Variants in ALMS1 observed in about 807,000 individuals in gnomAD.
ALMS1 encodes the protein ALMS1 centrosome and basal body associated protein.
A neutral mutation model predicts 352.2 loss-of-function variants in ALMS1; 271 were observed. That is an observed-to-expected ratio of 0.77 (90% CI 0.70 to 0.85). ALMS1 has a LOEUF of 0.85. ALMS1 is among the 40% of genes least tolerant of loss of function. ALMS1 has a pLI of 0.00. For synonymous variants in ALMS1, 1,865 were observed against 1,761.2 expected (o/e 1.06, Z -1.48); for missense variants, 5,445 against 4,870.7 (o/e 1.12, Z -3.51).
Position 73,550,472 on chromosome 2 carries a change from T to G in ALMS1, c.10078+35T>G, listed in dbSNP as rs1573013303. The G allele has an allele frequency of 6.2e-6, 10 of 1,610,208 alleles. No homozygotes were observed. In the East Asian group the frequency reaches 2.2e-4, roughly 36 times the overall value. ...TTGGCTTTGTATACTTTGTAGCTTT[T>G]TCTCCCCTTTTCATCCTAAATGAGA... On this transcript the variant is annotated intron_variant, in intron 13 of 22. Transcript: ENST00000613296.
intron 16 of ALMS1, among the ~76,000 whole-genome samples, chr2:73,587,406 T>A (rs1286744426): frequency 2.0e-5 from 3 of 152,220 alleles, no homozygotes; most frequent in Non-Finnish European, 4.4e-5. Context: ...ATAATTTTGG[T>A]GTGGGTTTGC....
At chr2:73,475,183 T>C (rs909330004) in intron 9 of ALMS1, among the ~76,000 whole-genome samples, 1 of 152,150 alleles carries the variant, frequency 6.6e-6, no homozygotes, top group Non-Finnish European at 1.5e-5. Context: ...TTGTGAATAG[T>C]GCTGCTATGA....
At chr2:73,527,216 T>C (rs1474708914) in intron 11 of ALMS1, among the ~76,000 whole-genome samples, 1 of 151,894 alleles carries the variant, frequency 6.6e-6, no homozygotes, top group African/African-American at 2.4e-5. Context: ...TGAGGGAGAT[T>C]GGCCTGTAGT....
At chr2:73,409,849 T>G (rs1360437182) in intron 2 of ALMS1, among the ~76,000 whole-genome samples, 3 of 152,206 alleles carry the variant, frequency 2.0e-5, no homozygotes, top group Admixed American at 1.3e-4. Context: ...CCAGGAGGGC[T>G]GATGGTATAG....
At chr2:73,577,905 A>G (rs1231921029) in intron 16 of ALMS1, among the ~76,000 whole-genome samples, 2 of 152,112 alleles carry the variant, frequency 1.3e-5, no homozygotes, top group Non-Finnish European at 2.9e-5. Context: ...CTGGTTTATA[A>G]TGTTGTTCAA....
chr2:73,538,660 C>T (rs900243742), intron 12 of ALMS1, among the ~76,000 whole-genome samples: 3 of 152,148 alleles, frequency 2.0e-5, no homozygotes, highest in East Asian at 1.9e-4. Flanking sequence ...ACAGAAGGCA[C>T]CTGGAAAATC....
intron 10 of ALMS1, among the ~76,000 whole-genome samples, chr2:73,502,229 C>T (rs1168015441): frequency 6.6e-6 from 1 of 152,018 alleles, no homozygotes; most frequent in Non-Finnish European, 1.5e-5. Context: ...CAGTGGTTGA[C>T]ATATATCTAT....
intron 10 of ALMS1, among the ~76,000 whole-genome samples, chr2:73,515,831 A>G (rs1313174808): frequency 6.6e-6 from 1 of 151,554 alleles, no homozygotes. Flanking sequence ...ATGAACACCT[A>G]TTCACACACA....
rs140045312 is a variant in ALMS1, at chr2:73,520,300, C to T, written c.9781+284C>T. Reference sequence around the variant, plus strand: ...CAATAAAAATGCAAGTAGTTCATAACAACTTGAAAGTAATTGAGGTCTGCT... The same window carrying T: ...CAATAAAAATGCAAGTAGTTCATAATAACTTGAAAGTAATTGAGGTCTGCT... On this transcript the variant is annotated intron_variant, in intron 11 of 22. Transcript: ENST00000613296. 3.9e-5 allele frequency among the ~76,000 whole-genome samples: 6 copies of T among 152,252 alleles called. No individual in the cohort carries two copies. The East Asian group carries it at 1.2e-3, about 29-fold the overall frequency.
At chr2:73,474,097 A>G (rs1672528122) in intron 9 of ALMS1, among the ~76,000 whole-genome samples, 1 of 152,134 alleles carries the variant, frequency 6.6e-6, no homozygotes, top group Admixed American at 6.6e-5. Flanking sequence ...TGTTGGTTCT[A>G]TTAGTAGAAA....
intron 20 of ALMS1, 124 bp downstream of exon 20, chr2:73,602,492 T>A: frequency 4.2e-6 from 5 of 1,180,024 alleles, no homozygotes; most frequent in South Asian, 3.9e-5. Flanking sequence ...ACCTTTTGCT[T>A]GCCAAGACTC....
chr2:73,533,706 T>C (rs1430031521), intron 11 of ALMS1, among the ~76,000 whole-genome samples: 1 of 152,106 alleles, frequency 6.6e-6, no homozygotes, highest in Non-Finnish European at 1.5e-5. Context: ...AAAGAAAAAC[T>C]AGTATATAGA....
At chr2:73,582,047 T>TA (rs1675194525) in intron 16 of ALMS1, among the ~76,000 whole-genome samples, 1 of 152,192 alleles carries the variant, frequency 6.6e-6, no homozygotes, top group South Asian at 2.1e-4. Context: ...CAGCCTGTGT[T>TA]ACATTTTTAA....
At chr2:73,591,059 C>G (rs1357544838) in intron 16 of ALMS1, among the ~76,000 whole-genome samples, 2 of 152,138 alleles carry the variant, frequency 1.3e-5, no homozygotes, top group East Asian at 3.8e-4. Flanking sequence ...ATCTTCCCAC[C>G]TAAGCCTTCT....
chr2:73,397,618 C>T (rs549337716), intron 1 of ALMS1, among the ~76,000 whole-genome samples: 1 of 152,252 alleles, frequency 6.6e-6, no homozygotes, highest in African/African-American at 2.4e-5. Context: ...CAGGCATATG[C>T]CACCACGCTC....
rs745466366 is a variant in ALMS1 at position 73,479,447 on chromosome 2, A to C, written c.7675-10187A>C. 4.5e-4 allele frequency among the ~76,000 whole-genome samples: 68 copies of C among 152,360 alleles called. 1 individual carries two copies. Among genetic ancestry groups the C allele is most frequent in the South Asian group, 8.3e-4 (4 of 4,830 alleles). ...TTGTTTCTATAACTTTGTAATTTCA[A>C]GAATGTCATATAAATGATAACATAT... On this transcript the variant is annotated intron_variant, in intron 9 of 22. Coordinates refer to ENST00000613296, the MANE Select transcript of ALMS1 (RefSeq NM_001378454.1).
At chr2:73,444,942 A>G (rs1182797537) in intron 7 of ALMS1, among the ~76,000 whole-genome samples, 2 of 152,166 alleles carry the variant, frequency 1.3e-5, no homozygotes, top group African/African-American at 4.8e-5. Flanking sequence ...ACTTATAAAA[A>G]TGATATAGTA....
chr2:73,587,003 T>TTTTG (rs200428683), intron 16 of ALMS1, among the ~76,000 whole-genome samples: 1 of 148,776 alleles, frequency 6.7e-6, no homozygotes, highest in African/African-American at 2.5e-5. Context: ...TTGTGTTTTT[T>TTTTG]TTTGTTTGTT....
intron 12 of ALMS1, among the ~76,000 whole-genome samples, chr2:73,537,709 A>G (rs1236180138): frequency 6.6e-6 from 1 of 152,198 alleles, no homozygotes; most frequent in African/African-American, 2.4e-5. Flanking sequence ...GGCGCATTGT[A>G]TTACTTAAAT....
Sources: gnomAD v4.1 joint callset for allele counts (sites outside exome capture counted in the v4.1 genomes callset) on GRCh38, gnomAD v4.1.1 for gene constraint, MANE v1.5 for transcripts, NCBI Gene and HGNC (gene_info 2026-07-23, HGNC 2026-07-21) for gene names.